The following LOXHD1 variants were observed in gnomAD, a reference collection of about 807,000 sequenced individuals.
LOXHD1 encodes the protein lipoxygenase homology PLAT domains 1.
In LOXHD1, 205 loss-of-function variants were observed where a neutral mutation model predicts 248.2. That is an observed-to-expected ratio of 0.83 (90% CI 0.74 to 0.93). The LOEUF (loss-of-function observed/expected upper bound fraction) is 0.93. LOXHD1 is among the 40% of genes least tolerant of loss of function. The probability of loss-of-function intolerance (pLI) is 0.00; values close to 1 mark genes in which losing one functional copy is unlikely to be tolerated. For missense variants in LOXHD1, 2,930 were observed against 2,971.6 expected (o/e 0.99, Z 0.33); for synonymous variants, 1,113 against 1,162.8 (o/e 0.96, Z 0.87).
chr18:46,601,578 C>T, intron 7 of LOXHD1, 111 bp from the exon 8 acceptor site: 1 of 1,404,512 alleles, frequency 7.1e-7, no homozygotes, highest in East Asian at 2.5e-5. Context: ...CTCCTCCACA[C>T]ATCCTCTTTC....
At position 46,579,078 on chromosome 18, in the gene LOXHD1, T is replaced by C. The variant is rs566907038; in HGVS notation, c.1809+552A>G. Among the ~76,000 whole-genome samples, 3 of 152,352 alleles carry C rather than the reference T, an allele frequency of 2.0e-5. No individual in the cohort carries two copies. In the East Asian group the frequency reaches 5.8e-4, roughly 29 times the overall value. ...TTCTCCCACCCCATCTTTAGGGTCTTTCTTGATTTCTCTTTCCTAAAGGTC... is the reference window on the plus strand; with the variant it reads ...TTCTCCCACCCCATCTTTAGGGTCTCTCTTGATTTCTCTTTCCTAAAGGTC... On this transcript the variant is annotated intron_variant, in intron 13 of 40. Coordinates refer to ENST00000642948, the MANE Select transcript of LOXHD1 (RefSeq NM_001384474.1).
intron 37 of LOXHD1, among the ~76,000 whole-genome samples, chr18:46,496,291 C>A (rs1374973925): frequency 6.6e-6 from 1 of 152,000 alleles, no homozygotes; most frequent in Admixed American, 6.5e-5. Context: ...CACTTTTGCG[C>A]ATGTTTAAAA....
chr18:46,628,466 C>G (rs868320846), intron 4 of LOXHD1, among the ~76,000 whole-genome samples: 1 of 152,178 alleles, frequency 6.6e-6, no homozygotes, highest in Admixed American at 6.5e-5. Flanking sequence ...CAAATAGGCT[C>G]AGAGAGCCCT....
At chr18:46,564,595 G>GA (rs1242391430) in intron 17 of LOXHD1, among the ~76,000 whole-genome samples, 3 of 151,766 alleles carry the variant, frequency 2.0e-5, no homozygotes, top group Non-Finnish European at 4.4e-5. Flanking sequence ...AATTTTAGAG[G>GA]AAAAATCTAA....
At chr18:46,571,151 G>A (rs934433932) in intron 15 of LOXHD1, among the ~76,000 whole-genome samples, 3 of 152,176 alleles carry the variant, frequency 2.0e-5, no homozygotes, top group African/African-American at 4.8e-5. Context: ...TCAGCAGTCT[G>A]ACCTTAGAAG....
intron 37 of LOXHD1, among the ~76,000 whole-genome samples, chr18:46,502,584 G>A (rs892201146): frequency 6.6e-6 from 1 of 152,160 alleles, no homozygotes; most frequent in African/African-American, 2.4e-5. Context: ...ATCAGCCTGT[G>A]GAGTCCAGAG....
In LOXHD1 at chr18:46,491,701, A is replaced by G. The variant is rs1315771945; in HGVS notation, c.5879-2559T>C. Among the ~76,000 whole-genome samples, 3 of 152,196 alleles carry G rather than the reference A, an allele frequency of 2.0e-5. No homozygotes were observed. The East Asian group carries it at 5.8e-4, about 29-fold the overall frequency. ...TGCTCTACCCTACACAGTTTTCACT[A>G]CACAATTACACTTTCCGGGCTCCAG... On this transcript the variant is annotated intron_variant, in intron 37 of 40. Coordinates refer to ENST00000642948, the MANE Select transcript of LOXHD1 (RefSeq NM_001384474.1).
At chr18:46,617,639 A>C (rs1204130773) in intron 5 of LOXHD1, among the ~76,000 whole-genome samples, 1 of 151,896 alleles carries the variant, frequency 6.6e-6, no homozygotes, top group Non-Finnish European at 1.5e-5. Flanking sequence ...ACTCCTATGT[A>C]ATTCTGCTAA....
chr18:46,507,158 C>T (rs984984234), intron 36 of LOXHD1, among the ~76,000 whole-genome samples: 5 of 152,152 alleles, frequency 3.3e-5, no homozygotes, highest in East Asian at 1.9e-4. Flanking sequence ...CAGCCAAAGC[C>T]GGCACATGGT....
chr18:46,613,329 G>T (rs934335178), intron 5 of LOXHD1, among the ~76,000 whole-genome samples: 1 of 152,004 alleles, frequency 6.6e-6, no homozygotes, highest in African/African-American at 2.4e-5. Flanking sequence ...TAGGTAACTT[G>T]TAATTGCTAA....
rs1468633357 is a variant in LOXHD1, at chr18:46,518,068, TG to T, written c.5399+60del. 5 of 1,542,016 alleles carry T rather than the reference TG, an allele frequency of 3.2e-6. No individual in the cohort carries two copies. The Admixed American group carries it at 7.9e-5, about 24-fold the overall frequency. On this transcript the variant is annotated intron_variant, in intron 34 of 40. Transcript: ENST00000642948. ...AGAATCAGCCTGGCTGAAGGCAGGG[TG>T]GGGCAGAGGGGGAGAGTTGAATGTG... is the stretch of plus-strand genomic sequence containing the variant.
chr18:46,600,688 A>C (rs1016162484), intron 8 of LOXHD1, among the ~76,000 whole-genome samples: 3 of 152,170 alleles, frequency 2.0e-5, no homozygotes, highest in Non-Finnish European at 4.4e-5. Context: ...CATAGACAAA[A>C]TTCATAATAG....
At chr18:46,491,942 G>T (rs1050368382) in intron 37 of LOXHD1, among the ~76,000 whole-genome samples, 2 of 152,182 alleles carry the variant, frequency 1.3e-5, no homozygotes, top group African/African-American at 2.4e-5. Context: ...AATTGGCATT[G>T]TCTGACCCCA....
At chr18:46,572,622 G>A (rs1319118605) in intron 14 of LOXHD1, among the ~76,000 whole-genome samples, 1 of 152,154 alleles carries the variant, frequency 6.6e-6, no homozygotes, top group African/African-American at 2.4e-5. Context: ...AGTCTGTCCT[G>A]AAAGCCATCA....
intron 21 of LOXHD1, 37 bp downstream of exon 21, chr18:46,557,319 A>T: frequency 1.9e-6 from 3 of 1,551,910 alleles, no homozygotes; most frequent in Non-Finnish European, 2.6e-6. Context: ...CCTCCCTCAG[A>T]GCAACACCCC....
At chr18:46,625,826 C>G (rs905973906) in intron 4 of LOXHD1, among the ~76,000 whole-genome samples, 7 of 152,192 alleles carry the variant, frequency 4.6e-5, no homozygotes, top group Non-Finnish European at 8.8e-5. Flanking sequence ...CACTCGTCCT[C>G]CTTTGCTTCC....
chr18:46,653,047 G>C (rs1456221961), intron 1 of LOXHD1, among the ~76,000 whole-genome samples: 3 of 152,294 alleles, frequency 2.0e-5, no homozygotes. Flanking sequence ...GTCAGTTCAA[G>C]ACCAGGCTGA....
chr18:46,504,443 T>G (rs1351034902), intron 37 of LOXHD1, among the ~76,000 whole-genome samples: 2 of 152,202 alleles, frequency 1.3e-5, no homozygotes, highest in Admixed American at 1.3e-4. Flanking sequence ...TTTGTATCTT[T>G]AATACCTAAC....
At chr18:46,508,769 G>A (rs2034752169) in intron 35 of LOXHD1, among the ~76,000 whole-genome samples, 1 of 152,224 alleles carries the variant, frequency 6.6e-6, no homozygotes, top group Non-Finnish European at 1.5e-5. Context: ...TGCTGCAGAT[G>A]AGGCTCCTCC....
Sources: allele counts gnomAD v4.1 joint callset (sites outside exome capture counted in the v4.1 genomes callset), GRCh38; gene constraint gnomAD v4.1.1; transcripts MANE v1.5; gene names NCBI Gene and HGNC (gene_info 2026-07-23, HGNC 2026-07-21).